CACNA2D4: variants seen among roughly 807,000 people sequenced by gnomAD.
CACNA2D4 encodes voltage-dependent calcium channel subunit alpha-2/delta-4.
A neutral mutation model predicts 163.8 loss-of-function variants in CACNA2D4; 157 were observed. That is an observed-to-expected ratio of 0.96 (90% CI 0.84 to 1.09). The LOEUF (loss-of-function observed/expected upper bound fraction) is 1.09. Among genes scored for constraint, CACNA2D4 ranks in the 50% least tolerant of loss-of-function variants. The pLI is 0.00. For missense variants in CACNA2D4, 1,410 were observed against 1,479.9 expected, an observed-to-expected ratio of 0.95 and a Z score of 0.78; for synonymous variants, 598 against 586.9, an observed-to-expected ratio of 1.02 and a Z score of -0.27.
intron 1 of CACNA2D4, 87 bp downstream of exon 1, chr12:1,918,160 G>C: frequency 3.2e-6 from 3 of 929,948 alleles, no homozygotes; most frequent in Non-Finnish European, 5.1e-6. Context: ...GGGGCGGGAG[G>C]AGTGGGCAGA....
intron 26 of CACNA2D4, among the ~76,000 whole-genome samples, chr12:1,823,506 C>G (rs1328938912): frequency 1.3e-5 from 2 of 152,122 alleles, no homozygotes; most frequent in African/African-American, 2.4e-5. Flanking sequence ...CTACAGCCCA[C>G]TCAGCTCCGC....
At chr12:1,900,056 C>T (rs1190691828) in intron 6 of CACNA2D4, among the ~76,000 whole-genome samples, 1 of 152,114 alleles carries the variant, frequency 6.6e-6, no homozygotes, top group Non-Finnish European at 1.5e-5. Context: ...TAAAGAAATG[C>T]TCAACTTCAT....
At position 1,834,659 on chromosome 12, in the gene CACNA2D4, C is replaced by A; in HGVS notation, c.2551+6080G>T. ...CCACCGGGAGCTCAAAAAGCGCCAG[C>A]CCCTGATGGGGGACCCCGAGGGCGA... On this transcript the variant is annotated intron_variant, in intron 26 of 37. Coordinates refer to ENST00000382722, the MANE Select transcript of CACNA2D4 (RefSeq NM_172364.5). The surrounding 1 kb of genome is among the most constrained non-coding windows in gnomAD (Gnocchi z 7.6). The A allele has an allele frequency of 6.2e-7, 1 of 1,601,460 alleles. No homozygotes were observed. The highest frequency in any genetic ancestry group is 8.5e-7 in the Non-Finnish European group (1 of 1,179,772).
At chr12:1,819,121 T>C (rs573950845) in intron 26 of CACNA2D4, among the ~76,000 whole-genome samples, 1 of 152,040 alleles carries the variant, frequency 6.6e-6, no homozygotes, top group South Asian at 2.1e-4. Flanking sequence ...CCTGTGGTGT[T>C]CCGGGGAAAC....
At chr12:1,817,509 T>C (rs1863916133) in intron 26 of CACNA2D4, among the ~76,000 whole-genome samples, 2 of 152,062 alleles carry the variant, frequency 1.3e-5, no homozygotes, top group Non-Finnish European at 2.9e-5. Context: ...CTCCCTCTCT[T>C]TCCCCGGTCT....
intron 6 of CACNA2D4, among the ~76,000 whole-genome samples, chr12:1,894,934 A>G (rs1303270042): frequency 6.6e-6 from 1 of 152,250 alleles, no homozygotes; most frequent in Non-Finnish European, 1.5e-5. Context: ...ATTGGAAAAG[A>G]GGAAGTCAAA....
rs1479786000 is a variant in CACNA2D4, at chr12:1,811,635, C to A, written c.2613+27G>T. 5 of 1,554,978 alleles carry A rather than the reference C, an allele frequency of 3.2e-6. No homozygotes were observed. The South Asian group carries it at 4.8e-5, about 15-fold the overall frequency. ...CAGGGGAGCGTGGTGAGTCCCCAGC[C>A]CCGACCTGGCCCGACATCACACCTA... On this transcript the variant is annotated intron_variant, in intron 27 of 37. Coordinates refer to ENST00000382722, the MANE Select transcript of CACNA2D4 (RefSeq NM_172364.5).
rs74602777 is a variant in CACNA2D4 at position 1,823,668 on chromosome 12, A to C, written c.2552-11945T>G. Among the ~76,000 whole-genome samples, 1,489 of 152,192 alleles carry C rather than the reference A, an allele frequency of 9.8e-3. 28 individuals carry two copies. Among genetic ancestry groups the C allele is most frequent in the African/African-American group, 0.034 (1,403 of 41,510 alleles). ...TCTAGAAAGCCCCCCACCTTCCGTAAGATCTTGGCCTCCCAGGACTTCAAG... is the reference window on the plus strand; with the variant it reads ...TCTAGAAAGCCCCCCACCTTCCGTACGATCTTGGCCTCCCAGGACTTCAAG... On this transcript the variant is annotated intron_variant, in intron 26 of 37. Coordinates refer to ENST00000382722, the MANE Select transcript of CACNA2D4 (RefSeq NM_172364.5).
intron 6 of CACNA2D4, among the ~76,000 whole-genome samples, chr12:1,904,534 C>A (rs1866610589): frequency 6.6e-6 from 1 of 151,144 alleles, no homozygotes; most frequent in Non-Finnish European, 1.5e-5. Context: ...ATTAAAAAAA[C>A]AGAATTATTA....
intron 37 of CACNA2D4, chr12:1,794,976 A>T (rs1184609695): frequency 2.1e-6 from 1 of 477,782 alleles, no homozygotes; most frequent in Non-Finnish European, 3.7e-6. Flanking sequence ...TACCTCTATC[A>T]TTCCAAGGGT....
chr12:1,862,759 C>T (rs1592718073), intron 18 of CACNA2D4, among the ~76,000 whole-genome samples: 1 of 152,310 alleles, frequency 6.6e-6, no homozygotes, highest in East Asian at 1.9e-4. Context: ...TAATGTTGAG[C>T]ATCCTTGCAC....
intron 26 of CACNA2D4, among the ~76,000 whole-genome samples, chr12:1,814,112 TG>T (rs1863802337): frequency 6.6e-6 from 1 of 152,224 alleles, no homozygotes; most frequent in Non-Finnish European, 1.5e-5. Context: ...ATCCTGTCCT[TG>T]GCCTCCGTGG....
At chr12:1,830,925 TCC>T (rs1307579094) in intron 26 of CACNA2D4, 4 of 1,586,318 alleles carry the variant, frequency 2.5e-6, no homozygotes, top group Non-Finnish European at 3.4e-6. Context: ...CGTCTGTCCC[TCC>T]CACCAAGGGA....
chr12:1,882,821 A>G (rs756913716), intron 13 of CACNA2D4, 46 bp downstream of exon 13: 2 of 1,607,726 alleles, frequency 1.2e-6, no homozygotes, highest in African/African-American at 1.3e-5. Context: ...TGGGGTCCCT[A>G]ACTCTGAGGT....
At chr12:1,909,831 C>A in intron 4 of CACNA2D4, 75 bp downstream of exon 4, 2 of 1,326,140 alleles carry the variant, frequency 1.5e-6, no homozygotes, top group East Asian at 2.3e-5. Context: ...ACGCCGCCAC[C>A]CTATGCCGCC....
intron 18 of CACNA2D4, among the ~76,000 whole-genome samples, chr12:1,865,333 A>C (rs1824016410): frequency 6.6e-6 from 1 of 152,208 alleles, no homozygotes; most frequent in Admixed American, 6.5e-5. Flanking sequence ...TGGAGCTTGC[A>C]CTGAGGAAAA....
chr12:1,828,415 C>T lies in CACNA2D4; in HGVS notation c.2551+12324G>A, dbSNP rs1034999286. Among the ~76,000 whole-genome samples, 26 of 152,242 alleles carry T rather than the reference C, an allele frequency of 1.7e-4. No individual in the cohort carries two copies. Among genetic ancestry groups the T allele is most frequent in the African/African-American group, 5.5e-4 (23 of 41,462 alleles). On this transcript the variant is annotated intron_variant, in intron 26 of 37. Transcript: ENST00000382722. This position sits in a 1 kb window ranked among gnomAD's most constrained non-coding sequence, Gnocchi z 4.2. ...CAGCATCCCTGCCAGTCAGAGTCAC[C>T]GCTGAGTGCTGAGTGGTTAGACCTG...
intron 26 of CACNA2D4, among the ~76,000 whole-genome samples, chr12:1,814,391 G>A (rs1863809873): frequency 1.3e-5 from 2 of 152,140 alleles, no homozygotes; most frequent in South Asian, 4.1e-4. Context: ...TGTCCTTTGC[G>A]AAATTTAGGG....
chr12:1,828,459 G>A lies in CACNA2D4; in HGVS notation c.2551+12280C>T, dbSNP rs1027928304. On this transcript the variant is annotated intron_variant, in intron 26 of 37. Coordinates refer to ENST00000382722, the MANE Select transcript of CACNA2D4 (RefSeq NM_172364.5). This position sits in a 1 kb window ranked among gnomAD's most constrained non-coding sequence, Gnocchi z 4.2. The stretch of plus-strand genomic sequence containing the variant: ...AGACCTGGAGCTGGAGGCCACGACA[G>A]TTGTTCTACCTCCCCCAGGTAAGTC... Among the ~76,000 whole-genome samples the A allele has an allele frequency of 2.6e-5, 4 of 152,228 alleles. No individual in the cohort carries two copies. The highest frequency in any genetic ancestry group is 7.2e-5 in the African/African-American group (3 of 41,460).
Sources: gnomAD v4.1 joint callset for allele counts (sites outside exome capture counted in the v4.1 genomes callset) on GRCh38, gnomAD v4.1.1 for gene constraint, Gnocchi (gnomAD v3.1) non-coding constraint, MANE v1.5 for transcripts, NCBI Gene and HGNC (gene_info 2026-07-23, HGNC 2026-07-21) for gene names.